Variants in ARNT observed in about 807,000 individuals in gnomAD.
ARNT encodes aryl hydrocarbon receptor nuclear translocator.
Under a neutral mutation model 105.0 loss-of-function variants are expected in ARNT, and 30 were observed. That is an observed-to-expected ratio of 0.29 (90% CI 0.21 to 0.39). ARNT has a LOEUF of 0.39. Ranked by LOEUF, ARNT falls within the 10% of genes least tolerant of loss-of-function variation. The probability of loss-of-function intolerance (pLI) is 1.00; values close to 1 mark genes in which losing one functional copy is unlikely to be tolerated. For synonymous variants in ARNT, 304 were observed against 344.0 expected (o/e 0.88, Z 1.29); for missense variants, 748 against 978.7 (o/e 0.76, Z 3.15).
chr1:150,872,626 C>T (rs955994368), intron 1 of ARNT, among the ~76,000 whole-genome samples: 2 of 152,122 alleles, frequency 1.3e-5, no homozygotes, highest in East Asian at 1.9e-4. Context: ...CCCAACTGTT[C>T]CCTCAGCCAA....
chr1:150,846,608 T>G (rs940436179), intron 3 of ARNT, among the ~76,000 whole-genome samples: 11 of 151,608 alleles, frequency 7.3e-5, no homozygotes, highest in Non-Finnish European at 1.0e-4. Context: ...TAGTTTTGGG[T>G]TTTTTTTTAA....
chr1:150,817,636 C>T (rs1469486677), intron 15 of ARNT, among the ~76,000 whole-genome samples: 1 of 151,882 alleles, frequency 6.6e-6, no homozygotes, highest in African/African-American at 2.4e-5. Flanking sequence ...GGCAAAACCC[C>T]GTCTCTACTA....
At chr1:150,873,001 C>T (rs946833485) in intron 1 of ARNT, among the ~76,000 whole-genome samples, 4 of 151,658 alleles carry the variant, frequency 2.6e-5, no homozygotes, top group African/African-American at 4.8e-5. Flanking sequence ...TTGTCTAGTC[C>T]GGGCCGGGCA....
At chr1:150,823,096 T>C (rs1657448757) in intron 14 of ARNT, 98 bp downstream of exon 14, 1 of 1,257,226 alleles carries the variant, frequency 8.0e-7, no homozygotes, top group African/African-American at 1.5e-5. Context: ...TTTTGTGTTG[T>C]TGCTTGATTG....
intron 7 of ARNT, among the ~76,000 whole-genome samples, chr1:150,835,657 T>C (rs1432148801): frequency 6.6e-6 from 1 of 152,154 alleles, no homozygotes; most frequent in African/African-American, 2.4e-5. Context: ...TATGAGTATA[T>C]TGAAATTTCT....
chr1:150,818,966 C>T (rs1248614717), intron 14 of ARNT, among the ~76,000 whole-genome samples: 1 of 151,970 alleles, frequency 6.6e-6, no homozygotes, highest in Non-Finnish European at 1.5e-5. Context: ...CTACAATGAC[C>T]ATGACCATCC....
intron 19 of ARNT, among the ~76,000 whole-genome samples, chr1:150,815,409 G>C (rs759423139): frequency 2.0e-5 from 3 of 151,706 alleles, no homozygotes; most frequent in African/African-American, 7.3e-5. Context: ...TTAGCCAGGC[G>C]TGGTGGCGAG....
At chr1:150,813,476 CT>C in intron 20 of ARNT, 138 bp from the exon 21 acceptor site, 2 of 862,032 alleles carry the variant, frequency 2.3e-6, no homozygotes, top group South Asian at 5.4e-5. Flanking sequence ...CAATCAATGC[CT>C]TTTCTATCTC....
chr1:150,852,473 C>G (rs1663810005), intron 3 of ARNT, among the ~76,000 whole-genome samples: 2 of 152,096 alleles, frequency 1.3e-5, no homozygotes, highest in Non-Finnish European at 2.9e-5. Flanking sequence ...AATAAACATG[C>G]AGTCAATCCA....
chr1:150,871,640 C>T (rs1667451888), intron 1 of ARNT, among the ~76,000 whole-genome samples: 2 of 148,560 alleles, frequency 1.3e-5, no homozygotes, highest in African/African-American at 4.9e-5. Flanking sequence ...CGGAGCATGG[C>T]GGCTCACGCC....
intron 7 of ARNT, among the ~76,000 whole-genome samples, chr1:150,835,929 C>A (rs930504862): frequency 1.3e-5 from 2 of 151,732 alleles, no homozygotes; most frequent in East Asian, 3.9e-4. Flanking sequence ...AGCCAAGCAC[C>A]AGGAGGTAGA....
chr1:150,876,463 C>T (rs1668280809), intron 1 of ARNT, 80 bp downstream of exon 1: 2 of 1,527,468 alleles, frequency 1.3e-6, no homozygotes, highest in East Asian at 2.7e-5. Context: ...CAGCTGCGTC[C>T]CCTCAGCCCT....
chr1:150,826,649 C>CTTT, intron 12 of ARNT, 32 bp from the exon 13 acceptor site: 9 of 1,189,930 alleles, frequency 7.6e-6, no homozygotes, highest in Non-Finnish European at 9.3e-6. Context: ...AAGATATATA[C>CTTT]TTTTTTTTTT....
In ARNT at chr1:150,866,648, T is replaced by C. The variant is rs182857176; in HGVS notation, c.26-8188A>G. 5.9e-5 allele frequency among the ~76,000 whole-genome samples: 9 copies of C among 152,266 alleles called. No homozygotes were observed. In the East Asian group the frequency reaches 7.7e-4, roughly 13 times the overall value. On this transcript the variant is annotated intron_variant, in intron 1 of 21. Coordinates refer to ENST00000358595, the MANE Select transcript of ARNT (RefSeq NM_001668.4). ...CTTTAAATATTAATATATGGATGTATAGTTTTGATTTAAATAACTTTTATA... is the reference window on the plus strand; with the variant it reads ...CTTTAAATATTAATATATGGATGTACAGTTTTGATTTAAATAACTTTTATA...
At chr1:150,839,297 A>T in intron 6 of ARNT, 144 bp downstream of exon 6, 1 of 710,466 alleles carries the variant, frequency 1.4e-6, no homozygotes, top group Non-Finnish European at 2.4e-6. Flanking sequence ...TCCCAATGCT[A>T]ATTAATGTTA....
At chr1:150,821,831 T>TC (rs1408832084) in intron 14 of ARNT, among the ~76,000 whole-genome samples, 1 of 62,480 alleles carries the variant, frequency 1.6e-5, no homozygotes, top group African/African-American at 4.5e-5. Flanking sequence ...GTATTTTCTT[T>TC]TTTTTTTTTT....
rs765720006 is a variant in ARNT at position 150,813,184 on chromosome 1, A to G, written c.2268T>C (p.Pro756=). The G allele has an allele frequency of 2.5e-6, 4 of 1,613,144 alleles. No individual in the cohort carries two copies. Among genetic ancestry groups the G allele is most frequent in the Non-Finnish European group, 2.5e-6 (3 of 1,179,630 alleles). Residue 756 remains proline, a synonymous_variant, in exon 21 of 22, where the codon CCT becomes CCC. Transcript: ENST00000358595. Reference sequence around the variant, plus strand: ...TTCACTCTCTTACCTGGAAGACCTCAGGCTGGCCAGGTTGCTGTGCTGGCG... The same window carrying G: ...TTCACTCTCTTACCTGGAAGACCTCGGGCTGGCCAGGTTGCTGTGCTGGCG... ...QQPPAQQPGQ[P]EVFQEMLSML...
chr1:150,875,136 T>C (rs1668053453), intron 1 of ARNT, among the ~76,000 whole-genome samples: 1 of 152,198 alleles, frequency 6.6e-6, no homozygotes, highest in African/African-American at 2.4e-5. Context: ...AGTTCACAGA[T>C]AGGTTATATT....
At chr1:150,825,845 T>C (rs1445433029) in intron 13 of ARNT, among the ~76,000 whole-genome samples, 3 of 139,602 alleles carry the variant, frequency 2.1e-5, no homozygotes, top group Non-Finnish European at 4.7e-5. Context: ...AGACTCCTTC[T>C]AAAAAAAAAA....
Sources: gnomAD v4.1 joint callset for allele counts (sites outside exome capture counted in the v4.1 genomes callset) on GRCh38, gnomAD v4.1.1 for gene constraint, MANE v1.5 for transcripts, NCBI Gene and HGNC (gene_info 2026-07-23, HGNC 2026-07-21) for gene names.